Variants in C8orf34 observed in about 807,000 individuals in gnomAD.
C8orf34 encodes uncharacterized protein C8orf34.
Under a neutral mutation model 68.3 loss-of-function variants are expected in C8orf34, and 65 were observed. That is an observed-to-expected ratio of 0.95 (90% confidence interval 0.78 to 1.17). The LOEUF is 1.17. Ranked by LOEUF, C8orf34 falls within the 50% of genes most tolerant of loss-of-function variation. The pLI is 0.00. For missense variants in C8orf34, 664 were observed against 655.4 expected, an observed-to-expected ratio of 1.01 and a Z score of -0.14; for synonymous variants, 244 against 241.2, an observed-to-expected ratio of 1.01 and a Z score of -0.11.
chr8:68,667,211 T>C (rs1819869523), intron 8 of C8orf34, among the ~76,000 whole-genome samples: 1 of 152,206 alleles, frequency 6.6e-6, no homozygotes, highest in African/African-American at 2.4e-5. Flanking sequence ...CATCAAAATG[T>C]GTATATTACT....
chr8:68,603,521 ATATC>A (rs10542466), intron 7 of C8orf34, among the ~76,000 whole-genome samples: 18,141 of 140,308 alleles, frequency 0.13, 1,272 homozygotes, highest in Admixed American at 0.16. Flanking sequence ...ATATATACAT[ATATC>A]TATCTATCTA....
chr8:68,603,566 T>TATC (rs1817769216), intron 7 of C8orf34, among the ~76,000 whole-genome samples: 1 of 107,364 alleles, frequency 9.3e-6, no homozygotes, highest in African/African-American at 5.6e-5. Flanking sequence ...TCTATCTATC[T>TATC]ATCTATCTTT....
At chr8:68,623,935 T>C (rs1357192347) in intron 7 of C8orf34, among the ~76,000 whole-genome samples, 1 of 152,058 alleles carries the variant, frequency 6.6e-6, no homozygotes, top group Non-Finnish European at 1.5e-5. Context: ...AAGAGAGTGA[T>C]TGAAACACAG....
At position 68,486,887 on chromosome 8, in the gene C8orf34, T is replaced by C. The variant is rs575475037; in HGVS notation, c.737-1136T>C. Among the ~76,000 whole-genome samples the C allele has an allele frequency of 5.9e-5, 9 of 152,320 alleles. No homozygotes were observed. The South Asian group carries it at 1.9e-3, about 32-fold the overall frequency. On this transcript the variant is annotated intron_variant, in intron 4 of 13. Coordinates refer to ENST00000518698, the MANE Select transcript of C8orf34 (RefSeq NM_052958.4). Reference sequence around the variant, plus strand: ...TCTCCTGGGCTTCAAACTTTAGACCTTTCCTTATCTCTTGGCTCGTTCCCT... The same window carrying C: ...TCTCCTGGGCTTCAAACTTTAGACCCTTCCTTATCTCTTGGCTCGTTCCCT...
At chr8:68,531,080 C>G (rs1485032381) in intron 6 of C8orf34, among the ~76,000 whole-genome samples, 1 of 152,000 alleles carries the variant, frequency 6.6e-6, no homozygotes, top group Non-Finnish European at 1.5e-5. Context: ...TTTTGCTGAA[C>G]CATCTGAAAA....
chr8:68,345,960 T>C, intron 1 of C8orf34, among the ~76,000 whole-genome samples: 1 of 152,164 alleles, frequency 6.6e-6, no homozygotes. Context: ...TGCCCAGTTG[T>C]ATTTAACAAC....
At position 68,330,977 on chromosome 8, in the gene C8orf34, G is replaced by C; in HGVS notation, c.-36G>C. 1 of 1,357,030 alleles carries C rather than the reference G, an allele frequency of 7.4e-7. No individual in the cohort carries two copies. 84.1% of individuals were successfully genotyped at this position (1,357,030 alleles called of 1,614,324 possible). A position where few individuals can be genotyped will look rare whatever the true frequency, so the allele number is the denominator to read the frequency against. Reference sequence around the variant, plus strand: ...CCCACTGCGCCGGGCGCTGCGGAGAGCGGCGAGGGTGGGCGCGAGGCGGAG... The same window carrying C: ...CCCACTGCGCCGGGCGCTGCGGAGACCGGCGAGGGTGGGCGCGAGGCGGAG... On this transcript the variant is annotated 5_prime_UTR_variant, in exon 1 of 14. Coordinates refer to ENST00000518698, the MANE Select transcript of C8orf34 (RefSeq NM_052958.4).
intron 8 of C8orf34, among the ~76,000 whole-genome samples, chr8:68,681,825 A>G (rs779606730): frequency 1.4e-4 from 21 of 152,196 alleles, no homozygotes; most frequent in Non-Finnish European, 2.5e-4. Flanking sequence ...ATGCAGTACT[A>G]TTAAGCTATA....
intron 5 of C8orf34, among the ~76,000 whole-genome samples, chr8:68,506,469 G>T (rs1028889516): frequency 6.6e-6 from 1 of 152,176 alleles, no homozygotes; most frequent in Non-Finnish European, 1.5e-5. Context: ...GAGTAGCTGG[G>T]ACTACAGTCA....
At chr8:68,382,014 C>T (rs562328765) in intron 1 of C8orf34, among the ~76,000 whole-genome samples, 1 of 152,168 alleles carries the variant, frequency 6.6e-6, no homozygotes, top group Non-Finnish European at 1.5e-5. Context: ...AGTATTGCAA[C>T]CTGAAATTTT....
chr8:68,760,852 C>A (rs1158540174), intron 10 of C8orf34, among the ~76,000 whole-genome samples: 3 of 152,152 alleles, frequency 2.0e-5, no homozygotes, highest in Non-Finnish European at 2.9e-5. Flanking sequence ...TTTAAATCAG[C>A]CTCTATCACT....
intron 1 of C8orf34, among the ~76,000 whole-genome samples, chr8:68,402,869 C>A (rs1809018188): frequency 6.6e-6 from 1 of 152,094 alleles, no homozygotes; most frequent in South Asian, 2.1e-4. Flanking sequence ...ATGAATAAGT[C>A]TTTTCCATTT....
At chr8:68,640,236 T>C in intron 7 of C8orf34, 140 bp from the exon 8 acceptor site, 1 of 677,588 alleles carries the variant, frequency 1.5e-6, no homozygotes, top group Non-Finnish European at 2.5e-6. Flanking sequence ...AAATAATTGA[T>C]ATATGTAGTT....
intron 8 of C8orf34, among the ~76,000 whole-genome samples, chr8:68,653,477 C>T (rs1819422118): frequency 6.6e-6 from 1 of 152,182 alleles, no homozygotes; most frequent in African/African-American, 2.4e-5. Flanking sequence ...CTGTCTTAAT[C>T]TGTTTGCCTG....
intron 1 of C8orf34, among the ~76,000 whole-genome samples, chr8:68,437,478 G>A (rs1335595420): frequency 6.6e-6 from 1 of 151,852 alleles, no homozygotes; most frequent in Non-Finnish European, 1.5e-5. Flanking sequence ...TTTATTTTCT[G>A]GAACCCTTTA....
intron 4 of C8orf34, among the ~76,000 whole-genome samples, chr8:68,477,935 A>G (rs984338950): frequency 6.6e-6 from 1 of 151,982 alleles, no homozygotes; most frequent in African/African-American, 2.4e-5. Flanking sequence ...ACAGAGCAGC[A>G]GGGACCATGA....
chr8:68,800,324 C>T (rs1454388190), intron 12 of C8orf34, among the ~76,000 whole-genome samples: 1 of 152,020 alleles, frequency 6.6e-6, no homozygotes, highest in Non-Finnish European at 1.5e-5. Context: ...TAAGCACCTC[C>T]CTGAGACACA....
At chr8:68,497,277 C>T (rs1813564759) in intron 5 of C8orf34, among the ~76,000 whole-genome samples, 1 of 152,154 alleles carries the variant, frequency 6.6e-6, no homozygotes, top group African/African-American at 2.4e-5. Flanking sequence ...TAAAAAGATG[C>T]TCAGCTTTGC....
intron 10 of C8orf34, among the ~76,000 whole-genome samples, chr8:68,759,527 A>C (rs1822966723): frequency 6.6e-6 from 1 of 152,198 alleles, no homozygotes. Context: ...TCAACAGTGA[A>C]CTCTCAAAAG....
Sources: gnomAD v4.1 joint callset for allele counts (sites outside exome capture counted in the v4.1 genomes callset) on GRCh38, gnomAD v4.1.1 for gene constraint, MANE v1.5 for transcripts, NCBI Gene and HGNC (gene_info 2026-07-23, HGNC 2026-07-21) for gene names.